Variants in WNT8B observed in about 807,000 individuals in gnomAD.
WNT8B encodes Wnt family member 8B.
WNT8B carries 24 observed loss-of-function variants against 36.6 expected under a neutral mutation model. The observed-to-expected ratio is 0.66, with a 90% CI of 0.48 to 0.92. The LOEUF (loss-of-function observed/expected upper bound fraction) is 0.92. Among genes scored for constraint, WNT8B ranks in the 40% least tolerant of loss-of-function variants. The probability of loss-of-function intolerance (pLI) is 0.00; values close to 1 mark genes in which losing one functional copy is unlikely to be tolerated. For synonymous variants in WNT8B, 199 were observed against 189.8 expected (o/e 1.05, Z -0.40); for missense variants, 402 against 470.8 (o/e 0.85, Z 1.35).
intron 3 of WNT8B, 96 bp from the exon 4 acceptor site, chr10:100,480,902 A>C: frequency 7.3e-7 from 1 of 1,363,634 alleles, no homozygotes; most frequent in African/African-American, 1.5e-5. Flanking sequence ...CTAGGGAAAG[A>C]GGATATAATG....
At chr10:100,474,928 G>A (rs1851020450) in intron 1 of WNT8B, among the ~76,000 whole-genome samples, 1 of 151,436 alleles carries the variant, frequency 6.6e-6, no homozygotes, top group Non-Finnish European at 1.5e-5. Context: ...AAATATGTCT[G>A]CAAATAACTC....
In WNT8B at chr10:100,479,032, G is replaced by GTTT; in HGVS notation, c.69-12_69-10dup. The GTTT allele has an allele frequency of 2.1e-6, 3 of 1,402,620 alleles. No homozygotes were observed. Among genetic ancestry groups the GTTT allele is most frequent in the Admixed American group, 4.0e-5 (2 of 49,738 alleles). The allele number at this position is 1,402,620 out of a possible 1,614,324, so 86.9% of individuals were successfully genotyped here. A position where few individuals can be genotyped will look rare whatever the true frequency, so the allele number is the denominator to read the frequency against. On this transcript the variant is annotated intron_variant, in intron 1 of 5. Coordinates refer to ENST00000343737, the MANE Select transcript of WNT8B (RefSeq NM_003393.4). ...TGTCTCTGCATTATATTCTGTTTTT[G>GTTT]TTTTTTTTTTCCCTTATAGGTCGGT...
rs754307016 is a variant in WNT8B at position 100,481,102 on chromosome 10, G to T, written c.346G>T (p.Asp116Tyr). The T allele has an allele frequency of 1.2e-6, 2 of 1,614,092 alleles. No homozygotes were observed. The highest frequency in any genetic ancestry group is 4.5e-5 in the East Asian group (2 of 44,868). ...LGDFDNCGCD[D>Y]SRNGQLGGQG... Reference sequence around the variant, plus strand: ...AGATTTTGATAACTGTGGCTGTGATGACTCCCGCAACGGGCAACTGGGTGA... The same window carrying T: ...AGATTTTGATAACTGTGGCTGTGATTACTCCCGCAACGGGCAACTGGGTGA... The change falls in exon 4 of 6, where the codon GAC (aspartate) becomes TAC (tyrosine). Residue 116 changes from aspartate to tyrosine, a missense_variant. This residue lies in a region of WNT8B where 131 missense variants were observed against 152.6 expected (regional missense o/e 0.86). Coordinates refer to ENST00000343737, the MANE Select transcript of WNT8B (RefSeq NM_003393.4).
chr10:100,483,006 CTCTG>C lies in WNT8B; in HGVS notation c.*195_*198del. The C allele has an allele frequency of 1.6e-6, 1 of 632,174 alleles. No individual in the cohort carries two copies. The allele number at this position is 632,174 out of a possible 1,614,324, so 39.2% of individuals were successfully genotyped here. On this transcript the variant is annotated 3_prime_UTR_variant, in exon 6 of 6. Transcript: ENST00000343737. ...CCAATTCCTCTGTGCTCTCCTAGAG[CTCTG>C]TCTGAATCCTCGCAGCCACACCTAG...
chr10:100,473,009 C>T (rs762936291), intron 1 of WNT8B, among the ~76,000 whole-genome samples: 1 of 152,194 alleles, frequency 6.6e-6, no homozygotes, highest in Non-Finnish European at 1.5e-5. Flanking sequence ...CTTACATTTT[C>T]TGCTGCATCT....
intron 1 of WNT8B, among the ~76,000 whole-genome samples, chr10:100,466,869 C>T (rs1194006304): frequency 3.3e-5 from 5 of 151,938 alleles, no homozygotes; most frequent in Non-Finnish European, 7.4e-5. Context: ...TGGGCTCCAA[C>T]GATGCTTGTC....
intron 1 of WNT8B, among the ~76,000 whole-genome samples, chr10:100,473,556 A>C (rs938939404): frequency 6.6e-6 from 1 of 152,060 alleles, no homozygotes; most frequent in Admixed American, 6.6e-5. Flanking sequence ...GGCTTCTTTC[A>C]CTCAGGATGA....
chr10:100,463,363 G>T, intron 1 of WNT8B, 127 bp downstream of exon 1: 1 of 812,304 alleles, frequency 1.2e-6, no homozygotes, highest in East Asian at 2.7e-5. Context: ...ACTGTTCTAT[G>T]GGGTAGGGCT....
intron 1 of WNT8B, among the ~76,000 whole-genome samples, chr10:100,472,435 T>G (rs1850990312): frequency 6.6e-6 from 1 of 152,002 alleles, no homozygotes; most frequent in Non-Finnish European, 1.5e-5. Flanking sequence ...AGCAAGTCCC[T>G]CTCTCTAAAT....
intron 1 of WNT8B, among the ~76,000 whole-genome samples, chr10:100,474,542 C>T (rs1385792199): frequency 2.6e-5 from 4 of 152,122 alleles, no homozygotes; most frequent in Non-Finnish European, 5.9e-5. Flanking sequence ...CAAGATCCTC[C>T]TCCTTTGGTA....
At chr10:100,467,454 G>A (rs1850919243) in intron 1 of WNT8B, among the ~76,000 whole-genome samples, 1 of 152,130 alleles carries the variant, frequency 6.6e-6, no homozygotes, top group Non-Finnish European at 1.5e-5. Flanking sequence ...CTCCATAGAT[G>A]AAATTCTTAT....
intron 2 of WNT8B, among the ~76,000 whole-genome samples, chr10:100,479,530 T>C (rs1449504725): frequency 3.9e-5 from 6 of 152,222 alleles, no homozygotes. Context: ...TTAGGTGATT[T>C]GGGCTCATTT....
Position 100,477,358 on chromosome 10 carries a change from T to C in WNT8B, c.69-1694T>C, listed in dbSNP as rs1490088899. On this transcript the variant is annotated intron_variant, in intron 1 of 5. Coordinates refer to ENST00000343737, the MANE Select transcript of WNT8B (RefSeq NM_003393.4). ...GTCTGTTACCCAGGCTGGAGTGCAG[T>C]GGCGCGATCTTGGCTCACTGCAAGC... Among the ~76,000 whole-genome samples the C allele has an allele frequency of 2.0e-5, 3 of 151,174 alleles. No individual in the cohort carries two copies. In the East Asian group the frequency reaches 5.8e-4, roughly 29 times the overall value.
At chr10:100,474,889 T>A (rs1313096361) in intron 1 of WNT8B, among the ~76,000 whole-genome samples, 1 of 152,126 alleles carries the variant, frequency 6.6e-6, no homozygotes, top group South Asian at 2.1e-4. Flanking sequence ...TAGGATATTT[T>A]GGATATGAAC....
At chr10:100,481,843 A>T in intron 4 of WNT8B, 69 bp from the exon 5 acceptor site, 1 of 1,584,024 alleles carries the variant, frequency 6.3e-7, no homozygotes, top group East Asian at 2.3e-5. Context: ...CAACCCAATT[A>T]GAAACAGCAG....
At chr10:100,468,617 C>T (rs561512777) in intron 1 of WNT8B, among the ~76,000 whole-genome samples, 1 of 152,270 alleles carries the variant, frequency 6.6e-6, no homozygotes, top group East Asian at 1.9e-4. Context: ...TGTAGCTTAG[C>T]GTTTCTCAGC....
intron 1 of WNT8B, among the ~76,000 whole-genome samples, chr10:100,472,630 T>TAC (rs200029952): frequency 2.6e-5 from 4 of 152,048 alleles, no homozygotes; most frequent in African/African-American, 7.2e-5. Flanking sequence ...TATCAGTGTA[T>TAC]ACACACACAC....
chr10:100,466,426 GC>G (rs1272919397), intron 1 of WNT8B, among the ~76,000 whole-genome samples: 1 of 152,074 alleles, frequency 6.6e-6, no homozygotes, highest in Non-Finnish European at 1.5e-5. Flanking sequence ...CACAACTTGA[GC>G]CCCATGTGTT....
At chr10:100,474,435 G>T (rs910793446) in intron 1 of WNT8B, among the ~76,000 whole-genome samples, 11 of 151,230 alleles carry the variant, frequency 7.3e-5, no homozygotes, top group African/African-American at 2.7e-4. Context: ...CTTCCTTTTT[G>T]GTTCTCTTTG....
Sources: gnomAD v4.1 joint callset for allele counts (sites outside exome capture counted in the v4.1 genomes callset) on GRCh38, gnomAD v4.1.1 for gene constraint, gnomAD v4.1.1 regional missense constraint, MANE v1.5 for transcripts, NCBI Gene and HGNC (gene_info 2026-07-23, HGNC 2026-07-21) for gene names.